Variants in DNAJC4 observed in about 807,000 individuals in gnomAD.
The protein encoded by DNAJC4 is DnaJ heat shock protein family (Hsp40) member C4.
A neutral mutation model predicts 26.8 loss-of-function variants in DNAJC4; 26 were observed. The observed-to-expected ratio is 0.97, with a 90% CI of 0.71 to 1.34. DNAJC4 has a LOEUF of 1.34. Ranked by LOEUF, DNAJC4 falls within the 40% of genes most tolerant of loss-of-function variation. The pLI, the probability that DNAJC4 is intolerant of heterozygous loss-of-function variation, is 0.00. For missense variants in DNAJC4, 342 were observed against 321.1 expected (o/e 1.07, Z -0.50); for synonymous variants, 134 against 127.8 (o/e 1.05, Z -0.33).
intron 1 of DNAJC4, chr11:64,231,263 T>G: frequency 2.2e-6 from 1 of 453,806 alleles, no homozygotes; most frequent in South Asian, 2.1e-5. Context: ...AAATCCAGAT[T>G]CCTGGGCTCT....
At chr11:64,232,981 T>C in intron 4 of DNAJC4, 116 bp downstream of exon 4, 1 of 1,253,732 alleles carries the variant, frequency 8.0e-7, no homozygotes, top group Non-Finnish European at 1.0e-6. Flanking sequence ...TCTCTCAAGC[T>C]AAGAGCTGCT....
chr11:64,232,151 G>T (rs975056829), intron 2 of DNAJC4, 187 bp downstream of exon 2: 9 of 723,532 alleles, frequency 1.2e-5, no homozygotes, highest in Middle Eastern at 3.1e-4. Flanking sequence ...TGTCTGATGG[G>T]CTGGGCTTGG....
At position 64,231,974 on chromosome 11, in the gene DNAJC4, C is replaced by A; in HGVS notation, c.180+10C>A. ...CTCCAAGTCCAAAGAGGTACCCGTA[C>A]CCCTGAGGTGGGGAGGGGGAGCAGG... On this transcript the variant is annotated intron_variant, in intron 2 of 5. Coordinates refer to ENST00000628077, the MANE Select transcript of DNAJC4 (RefSeq NM_005528.4). 6.2e-7 allele frequency: 1 copy of A among 1,613,822 alleles called. No homozygotes were observed. The highest frequency in any genetic ancestry group is 8.5e-7 in the Non-Finnish European group (1 of 1,179,846).
chr11:64,232,294 G>A, intron 2 of DNAJC4, 136 bp from the exon 3 acceptor site: 2 of 1,135,592 alleles, frequency 1.8e-6, no homozygotes, highest in Admixed American at 2.9e-5. Context: ...TCTGAGGAGT[G>A]GGCAGGCCTG....
In DNAJC4 at chr11:64,234,250, C is replaced by T. The variant is rs552126424; in HGVS notation, c.*66C>T. The stretch of plus-strand genomic sequence containing the variant: ...GCTTCCTTCCCTGGACGGCCCGCTC[C>T]CCGAAACGCGCGCAATAAAGTGATT... On this transcript the variant is annotated 3_prime_UTR_variant, in exon 6 of 6. Coordinates refer to ENST00000628077, the MANE Select transcript of DNAJC4 (RefSeq NM_005528.4). This position sits in a 1 kb window ranked among gnomAD's most constrained non-coding sequence, Gnocchi z 5.3. The T allele has an allele frequency of 1.9e-4, 292 of 1,504,502 alleles. 1 individual carries two copies. In the South Asian group the frequency reaches 3.3e-3, roughly 17 times the overall value. 93.2% of individuals were successfully genotyped at this position (1,504,502 alleles called of 1,614,324 possible).
At chr11:64,233,769 A>T in intron 4 of DNAJC4, 125 bp from the exon 5 acceptor site, 1 of 1,308,586 alleles carries the variant, frequency 7.6e-7, no homozygotes, top group Non-Finnish European at 1.1e-6. Flanking sequence ...AGGAAGGGTT[A>T]GACTGAGGTT....
chr11:64,232,896 A>G lies in DNAJC4; in HGVS notation c.527+31A>G, dbSNP rs61760059. ...GCCTGTTCTCCCCGGGGTGATGGGCAGAGGGCAGGAGGGTGGGTGAATTCC... is the reference window on the plus strand; with the variant it reads ...GCCTGTTCTCCCCGGGGTGATGGGCGGAGGGCAGGAGGGTGGGTGAATTCC... On this transcript the variant is annotated intron_variant, in intron 4 of 5. Coordinates refer to ENST00000628077, the MANE Select transcript of DNAJC4 (RefSeq NM_005528.4). 5.7e-4 allele frequency: 875 copies of G among 1,528,020 alleles called. 4 individuals are homozygous for G. In the African/African-American group the frequency reaches 9.7e-3, roughly 17 times the overall value. 94.7% of individuals were successfully genotyped at this position (1,528,020 alleles called of 1,614,324 possible). A position where few individuals can be genotyped will look rare whatever the true frequency, so the allele number is the denominator to read the frequency against.
intron 4 of DNAJC4, chr11:64,233,643 T>C (rs995811395): frequency 7.0e-6 from 4 of 573,878 alleles, no homozygotes; most frequent in African/African-American, 3.7e-5. Context: ...TCTAGTCTTC[T>C]GGGAGGAGCA....
Position 64,231,940 on chromosome 11 carries a change from AGCTTT to A in DNAJC4, c.157_161del (p.Ala53LeufsTer35). The A allele has an allele frequency of 6.2e-7, 1 of 1,613,978 alleles. No individual in the cohort carries two copies. The highest frequency in any genetic ancestry group is 8.5e-7 in the Non-Finnish European group (1 of 1,179,994). ...GTGCCAGCACTGAGGAAGTTAAACG[AGCTTT>A]CTTCTCCAAGTCCAAAGAGGTACCC... is the stretch of plus-strand genomic sequence containing the variant. On this transcript the variant is annotated frameshift_variant, in exon 2 of 6. Coordinates refer to ENST00000628077, the MANE Select transcript of DNAJC4 (RefSeq NM_005528.4). LOFTEE classifies it high-confidence loss of function.
Position 64,234,066 on chromosome 11 carries a change from C to T in DNAJC4, c.615-7C>T, listed in dbSNP as rs765888935. ...TATCCCAACCACCCAGGTGCCCTCT[C>T]CTCCAGGGCCAACAGAGGCATCCTT... On this transcript the variant is annotated splice_region_variant and splice_polypyrimidine_tract_variant and intron_variant, in intron 5 of 5. Transcript: ENST00000628077. The surrounding 1 kb of genome is among the most constrained non-coding windows in gnomAD (Gnocchi z 5.3). 5.6e-6 allele frequency: 9 copies of T among 1,613,196 alleles called. No individual in the cohort carries two copies. The highest frequency in any genetic ancestry group is 1.3e-5 in the African/African-American group (1 of 74,948).
chr11:64,233,708 C>T (rs757505122), intron 4 of DNAJC4, 186 bp from the exon 5 acceptor site: 32 of 720,776 alleles, frequency 4.4e-5, no homozygotes, highest in Non-Finnish European at 6.7e-5. Context: ...CTTCGGATGC[C>T]ATTGGACCCT....
chr11:64,231,962 G>T lies in DNAJC4; in HGVS notation c.178G>T (p.Glu60Ter), dbSNP rs1271568877. 20 of 1,614,078 alleles carry T rather than the reference G, an allele frequency of 1.2e-5. No individual in the cohort carries two copies. Among genetic ancestry groups the T allele is most frequent in the Admixed American group, 3.3e-5 (2 of 60,030 alleles). Residue 60 changes from glutamate (E) to a stop codon, truncating the protein, a stop_gained and splice_region_variant, in exon 2 of 6, where the codon GAG becomes TAG. Transcript: ENST00000628077. LOFTEE classifies it high-confidence loss of function. ...VKRAFFSKSKELHPDRDPGNP... is the reference protein window; with the variant it reads ...VKRAFFSKSK ...ACGAGCTTTCTTCTCCAAGTCCAAA[G>T]AGGTACCCGTACCCCTGAGGTGGGG... is the stretch of plus-strand genomic sequence containing the variant.
intron 4 of DNAJC4, among the ~76,000 whole-genome samples, chr11:64,233,199 G>A (rs138210317): frequency 3.3e-5 from 5 of 152,026 alleles, no homozygotes; most frequent in African/African-American, 4.8e-5. Context: ...CCACTCTCAC[G>A]CGTGCCACGG....
At chr11:64,232,054 T>C in intron 2 of DNAJC4, 90 bp downstream of exon 2, 1 of 1,350,872 alleles carries the variant, frequency 7.4e-7, no homozygotes, top group Non-Finnish European at 1.1e-6. Context: ...CCAGCATCTC[T>C]GGCGGGTGCC....
chr11:64,233,095 A>C, intron 4 of DNAJC4: 1 of 430,542 alleles, frequency 2.3e-6, no homozygotes, highest in Non-Finnish European at 3.9e-6. Flanking sequence ...TAAATCTTTC[A>C]TGCTGGCTGC....
chr11:64,232,664 G>C, intron 3 of DNAJC4, 40 bp from the exon 4 acceptor site: 2 of 1,579,220 alleles, frequency 1.3e-6, no homozygotes, highest in Non-Finnish European at 1.7e-6. Flanking sequence ...CTCTTGGGTA[G>C]TCTCATTTCC....
intron 2 of DNAJC4, chr11:64,232,174 G>A: frequency 1.4e-6 from 1 of 709,528 alleles, no homozygotes; most frequent in Non-Finnish European, 2.3e-6. Context: ...TTCTTGACCT[G>A]CCTGCCTGCT....
rs756927349 is a variant in DNAJC4, at chr11:64,230,889, T to A, written c.35T>A (p.Leu12Gln). The change falls in exon 1 of 6, where the codon CTG becomes CAG. Residue 12 changes from leucine (L) to glutamine (Q), a missense_variant. By Grantham distance (113) the Leu-to-Gln change is moderately radical. Coordinates refer to ENST00000628077, the MANE Select transcript of DNAJC4 (RefSeq NM_005528.4). ...TTACTGCCCCTGCGCCTGTGCCGGCTGTGGCCCCGCAACCCTCCCTCCCGG... is the reference window on the plus strand; with the variant it reads ...TTACTGCCCCTGCGCCTGTGCCGGCAGTGGCCCCGCAACCCTCCCTCCCGG... ...PPLLPLRLCR[L>Q]WPRNPPSRLL... is the part of the protein sequence containing the mutation. 2 of 1,595,266 alleles carry A rather than the reference T, an allele frequency of 1.3e-6. No homozygotes were observed. The highest frequency in any genetic ancestry group is 1.7e-6 in the Non-Finnish European group (2 of 1,174,180).
In DNAJC4 at chr11:64,232,125, C is replaced by T. The variant is rs531806372; in HGVS notation, c.180+161C>T. ...TCAATGGTAGGGGAAAGGCTGTGGG[C>T]AGGAGCCAGGGGTCCTGTCTGATGG... On this transcript the variant is annotated intron_variant, in intron 2 of 5. Transcript: ENST00000628077. 7.0e-5 allele frequency: 56 copies of T among 795,464 alleles called. No homozygotes were observed. The East Asian group carries it at 1.5e-3, about 21-fold the overall frequency. 49.3% of individuals were successfully genotyped at this position (795,464 alleles called of 1,614,324 possible). A position where few individuals can be genotyped will look rare whatever the true frequency, so the allele number is the denominator to read the frequency against.
Sources: gnomAD v4.1 joint callset for allele counts (sites outside exome capture counted in the v4.1 genomes callset) on GRCh38, gnomAD v4.1.1 for gene constraint, Gnocchi (gnomAD v3.1) non-coding constraint, MANE v1.5 for transcripts, NCBI Gene and HGNC (gene_info 2026-07-23, HGNC 2026-07-21) for gene names.